The following HDAC6 variants were observed in gnomAD, a reference collection of about 807,000 sequenced individuals.
HDAC6 encodes the protein histone deacetylase 6, also known as protein deacetylase HDAC6.
Under a neutral mutation model 88.9 loss-of-function variants are expected in HDAC6, and 5 were observed. The observed-to-expected ratio is 0.06, with a 90% CI of 0.03 to 0.12. The LOEUF is 0.12. Among genes scored for constraint, HDAC6 ranks in the 10% least tolerant of loss-of-function variants. The probability of loss-of-function intolerance (pLI) is 1.00; values close to 1 mark genes in which losing one functional copy is unlikely to be tolerated. For missense variants in HDAC6, 706 were observed against 1,014.4 expected, an observed-to-expected ratio of 0.70 and a Z score of 4.13; for synonymous variants, 378 against 398.0, an observed-to-expected ratio of 0.95 and a Z score of 0.60.
chrX:48,817,781 C>A, intron 20 of HDAC6: 1 of 425,265 alleles, frequency 2.4e-6, no homozygotes, highest in Non-Finnish European at 4.1e-6. Flanking sequence ...ACCCACGAAC[C>A]AGCCCCCAGC....
At chrX:48,817,517 C>T in intron 20 of HDAC6, 58 bp downstream of exon 20, 1 of 1,095,299 alleles carries the variant, frequency 9.1e-7, no homozygotes, top group Non-Finnish European at 1.2e-6. Flanking sequence ...TGGATGCTCC[C>T]CCCAGCCCAT....
In HDAC6 at chrX:48,824,858, G is replaced by T. The variant is rs782118233; in HGVS notation, c.*246G>T. The T allele has an allele frequency of 8.9e-7, 1 of 1,122,218 alleles. No individual in the cohort carries two copies. Among genetic ancestry groups the T allele is most frequent in the South Asian group, 2.0e-5 (1 of 49,778 alleles). 92.5% of individuals were successfully genotyped at this position (1,122,218 alleles called of 1,213,427 possible). The stretch of plus-strand genomic sequence containing the variant: ...CACTACTCCAGCCCAGAAGGAAAGG[G>T]GGGCAGCTCAGTGGCCCCAAGAGGG... On this transcript the variant is annotated 3_prime_UTR_variant, in exon 29 of 29. Transcript: ENST00000334136.
At chrX:48,815,811 G>T in intron 16 of HDAC6, 73 bp from the exon 17 acceptor site, 1 of 1,120,956 alleles carries the variant, frequency 8.9e-7, no homozygotes. Flanking sequence ...TTTCTGTTTG[G>T]GTCACCTGAG....
rs1286475591 is a variant in HDAC6, at chrX:48,803,150, C to T, written c.245C>T (p.Ala82Val). Residue 82 changes from alanine to valine, a missense_variant, in exon 4 of 29, where the codon GCA (alanine) becomes GTA (valine). Ala to Val is a moderately conservative substitution (Grantham distance 64, BLOSUM62 0). Transcript: ENST00000334136. ...CAGGATCTGAACCTTGAGGCTGAAG[C>T]ACTGGCTGGCACTGGCTTGGTGTTG... Reference protein sequence around the residue: ...QGMDLNLEAEALAGTGLVLDE... With the variant: ...QGMDLNLEAEVLAGTGLVLDE... 7 of 1,207,246 alleles carry T rather than the reference C, an allele frequency of 5.8e-6. No individual in the cohort carries two copies. In the African/African-American group the frequency reaches 7.0e-5, roughly 12 times the overall value.
chrX:48,815,997 C>T lies in HDAC6; in HGVS notation c.1438C>T (p.Arg480Cys). ...PILTWPVLQS[R>C]TGLVYDQNMM... is the part of the protein sequence containing the mutation. ...CCTGACATGGCCAGTGCTACAGTCT[C>T]GCACAGGGCTGGTCTATGACCAAAA... The change falls in exon 17 of 29, where the codon CGC becomes TGC. Residue 480 changes from arginine (R) to cysteine (C), a missense_variant. By Grantham distance (180) the Arg-to-Cys change is radical. Transcript: ENST00000334136. 2 of 1,211,393 alleles carry T rather than the reference C, an allele frequency of 1.7e-6. No homozygotes were observed. Among genetic ancestry groups the T allele is most frequent in the Non-Finnish European group, 2.2e-6 (2 of 895,119 alleles).
rs782435961 is a variant in HDAC6 at position 48,824,911 on chromosome X, G to A, written c.*299G>A. 44 of 1,087,230 alleles carry A rather than the reference G, an allele frequency of 4.0e-5. No individual in the cohort carries two copies. The highest frequency in any genetic ancestry group is 4.9e-5 in the Non-Finnish European group (41 of 830,578). 89.6% of individuals were successfully genotyped at this position (1,087,230 alleles called of 1,213,427 possible). The stretch of plus-strand genomic sequence containing the variant: ...CTGATATCATGAGGATAACATTGGC[G>A]GGAGGGGAGTTAACTGGCAGGCATG... On this transcript the variant is annotated 3_prime_UTR_variant, in exon 29 of 29. Coordinates refer to ENST00000334136, the MANE Select transcript of HDAC6 (RefSeq NM_006044.4).
Position 48,815,817 on chromosome X carries a change from C to A in HDAC6, c.1325-67C>A, listed in dbSNP as rs781995480. ...CCACCCCTTTTTCTGTTTGGGTCAC[C>A]TGAGTTCCAGAGTATGACGGGGATT... On this transcript the variant is annotated intron_variant, in intron 16 of 28. Coordinates refer to ENST00000334136, the MANE Select transcript of HDAC6 (RefSeq NM_006044.4). The A allele has an allele frequency of 4.5e-4, 512 of 1,143,182 alleles. 1 individual carries two copies. The South Asian group carries it at 9.3e-3, about 21-fold the overall frequency. The allele number at this position is 1,143,182 out of a possible 1,213,427, so 94.2% of individuals were successfully genotyped here.
upstream of HDAC6, chrX:48,801,829 G>C: frequency 1.0e-6 from 1 of 969,528 alleles, no homozygotes; most frequent in Non-Finnish European, 1.3e-6. Context: ...GTCGAGAGAC[G>C]AGGCCCAATG....
chrX:48,812,237 T>C lies in HDAC6; in HGVS notation c.807-2203T>C, dbSNP rs1406838596. On this transcript the variant is annotated intron_variant, in intron 10 of 28. Coordinates refer to ENST00000334136, the MANE Select transcript of HDAC6 (RefSeq NM_006044.4). ...AATATATTCAGTGCATTCTTCCTTATTAACAAACGTGTGTAAACAAACAAA... is the reference window on the plus strand; with the variant it reads ...AATATATTCAGTGCATTCTTCCTTACTAACAAACGTGTGTAAACAAACAAA... Among the ~76,000 whole-genome samples, 5 of 112,487 alleles carry C rather than the reference T, an allele frequency of 4.4e-5. 1 individual carries two copies. The highest frequency in any genetic ancestry group is 1.3e-4 in the African/African-American group (4 of 30,939).
At chrX:48,817,134 C>A (rs2063000649) in intron 19 of HDAC6, 192 bp from the exon 20 acceptor site, 4 of 395,741 alleles carry the variant, frequency 1.0e-5, no homozygotes, top group Non-Finnish European at 1.6e-5. Context: ...CGCCTGTAGT[C>A]CTAGCTACTC....
chrX:48,805,635 G>A lies in HDAC6; in HGVS notation c.401G>A (p.Arg134Gln), dbSNP rs782747542. 1.1e-4 allele frequency: 126 copies of A among 1,179,817 alleles called. No individual in the cohort carries two copies. Among genetic ancestry groups the A allele is most frequent in the Non-Finnish European group, 1.3e-4 (113 of 878,985 alleles). The change falls in exon 6 of 29, where the codon CGG (arginine) becomes CAG (glutamine). Residue 134 changes from arginine to glutamine, a missense_variant. This residue lies in a region of HDAC6 where 193 missense variants were observed against 258.2 expected (regional missense o/e 0.75). Coordinates refer to ENST00000334136, the MANE Select transcript of HDAC6 (RefSeq NM_006044.4). ...LLDRCVSFQA[R>Q]FAEKEELMLV... ...TTATTCCTCATCTCTCCCCAGGCCC[G>A]GTTTGCTGAAAAGGAAGAGCTGATG...
At chrX:48,817,650 C>T in intron 20 of HDAC6, 191 bp downstream of exon 20, 1 of 431,577 alleles carries the variant, frequency 2.3e-6, no homozygotes, top group Non-Finnish European at 3.9e-6. Context: ...AGATAGGACC[C>T]CCAGATCATG....
chrX:48,817,614 AG>A (rs1189983868), intron 20 of HDAC6, 155 bp downstream of exon 20: 1 of 487,235 alleles, frequency 2.1e-6, no homozygotes, highest in Non-Finnish European at 3.3e-6. Flanking sequence ...AGAAGGACCG[AG>A]GATGGAGCCT....
chrX:48,823,696 G>C lies in HDAC6; in HGVS notation c.3214G>C (p.Gly1072Arg), dbSNP rs782397073. Residue 1072 changes from glycine to arginine, a missense_variant, in exon 26 of 29, where the codon GGA becomes CGA. By Grantham distance (125) the Gly-to-Arg change is moderately radical. Around this residue, in one of 9 missense-constraint regions of HDAC6, gnomAD observed 112 missense variants for 95.1 expected, o/e 1.18. Coordinates refer to ENST00000334136, the MANE Select transcript of HDAC6 (RefSeq NM_006044.4). Reference sequence around the variant, plus strand: ...GGGGGCCTCAGAATCTCAGGCCCCAGGAGAGGAGAACCTACTAGGAGAGGC... The same window carrying C: ...GGGGGCCTCAGAATCTCAGGCCCCACGAGAGGAGAACCTACTAGGAGAGGC... The part of the protein sequence containing the change: ...SQGASESQAP[G>R]EENLLGEAAG... 1.6e-5 allele frequency: 19 copies of C among 1,207,110 alleles called. No homozygotes were observed. The African/African-American group carries it at 3.2e-4, about 20-fold the overall frequency.
At chrX:48,802,625 G>T in intron 1 of HDAC6, 38 bp from the exon 2 acceptor site, 1 of 1,167,043 alleles carries the variant, frequency 8.6e-7, no homozygotes, top group Non-Finnish European at 1.1e-6. Context: ...GGGCACACTA[G>T]CCCCCTCACA....
intron 28 of HDAC6, 28 bp downstream of exon 28, chrX:48,824,322 G>A (rs368804563): frequency 1.0e-5 from 12 of 1,196,262 alleles, no homozygotes; most frequent in East Asian, 3.0e-5. Context: ...CCTTCGACAC[G>A]TGCACACTCA....
rs782759897 is a variant in HDAC6, at chrX:48,823,128, C to T, written c.2729C>T (p.Pro910Leu). Residue 910 changes from proline (P) to leucine (L), a missense_variant, in exon 25 of 29, where the codon CCC becomes CTC. Around this residue, in one of 9 missense-constraint regions of HDAC6, gnomAD observed 89 missense variants for 90.9 expected, o/e 0.98. Coordinates refer to ENST00000334136, the MANE Select transcript of HDAC6 (RefSeq NM_006044.4). ...TAVVALTQDQPSEAATGGATL... is the reference protein window; with the variant it reads ...TAVVALTQDQLSEAATGGATL... Reference sequence around the variant, plus strand: ...GTGGTGGCCCTCACTCAGGACCAGCCCTCAGAGGCAGCCACAGGGGGAGCC... The same window carrying T: ...GTGGTGGCCCTCACTCAGGACCAGCTCTCAGAGGCAGCCACAGGGGGAGCC... The T allele has an allele frequency of 8.3e-7, 1 of 1,209,375 alleles. No individual in the cohort carries two copies.
intron 23 of HDAC6, among the ~76,000 whole-genome samples, chrX:48,822,185 G>A (rs782710702): frequency 9.0e-6 from 1 of 111,693 alleles, no homozygotes; most frequent in Admixed American, 9.5e-5. Context: ...TCTTGTGCAG[G>A]TCAGGTCAGT....
Position 48,816,274 on chromosome X carries a change from G to A in HDAC6, c.1622+5G>A, listed in dbSNP as rs1557027613. On this transcript the variant is annotated splice_donor_5th_base_variant and intron_variant, in intron 18 of 28. Coordinates refer to ENST00000334136, the MANE Select transcript of HDAC6 (RefSeq NM_006044.4). Reference sequence around the variant, plus strand: ...TGAGCTGCTCACCTGTCACAGGTCAGACCCCGGTGCCTGGGGTGGGTGGAT... The same window carrying A: ...TGAGCTGCTCACCTGTCACAGGTCAAACCCCGGTGCCTGGGGTGGGTGGAT... 2 of 1,206,870 alleles carry A rather than the reference G, an allele frequency of 1.7e-6. No homozygotes were observed. Among genetic ancestry groups the A allele is most frequent in the South Asian group, 3.5e-5 (2 of 56,518 alleles).
Sources: gnomAD v4.1 joint callset for allele counts (sites outside exome capture counted in the v4.1 genomes callset) on GRCh38, gnomAD v4.1.1 for gene constraint, gnomAD v4.1.1 regional missense constraint, MANE v1.5 for transcripts, NCBI Gene and HGNC (gene_info 2026-07-23, HGNC 2026-07-21) for gene names.